RIMS4: variants seen among roughly 807,000 people sequenced by gnomAD.
RIMS4 encodes the protein regulating synaptic membrane exocytosis 4.
RIMS4 carries 9 observed loss-of-function variants against 29.0 expected under a neutral mutation model. That is an observed-to-expected ratio of 0.31 (90% CI 0.19 to 0.54). The LOEUF is 0.54. Ranked by LOEUF, RIMS4 falls within the 20% of genes least tolerant of loss-of-function variation. RIMS4 has a pLI of 0.94. For synonymous variants in RIMS4, 130 were observed against 152.9 expected, an observed-to-expected ratio of 0.85 and a Z score of 1.10; for missense variants, 193 against 365.7, an observed-to-expected ratio of 0.53 and a Z score of 3.85.
chr20:44,778,413 T>G (rs1451856140), intron 1 of RIMS4, among the ~76,000 whole-genome samples: 1 of 152,224 alleles, frequency 6.6e-6, no homozygotes, highest in African/African-American at 2.4e-5. Context: ...CAGTGGCTCA[T>G]GGCTGTAATC....
At chr20:44,780,738 A>C (rs192327903) in intron 1 of RIMS4, among the ~76,000 whole-genome samples, 3 of 152,274 alleles carry the variant, frequency 2.0e-5, no homozygotes, top group Admixed American at 1.3e-4. Flanking sequence ...GCCAGAGTGC[A>C]ATTTTTGCCC....
At chr20:44,775,942 C>G (rs2066158453) in intron 1 of RIMS4, among the ~76,000 whole-genome samples, 1 of 152,136 alleles carries the variant, frequency 6.6e-6, no homozygotes, top group South Asian at 2.1e-4. Flanking sequence ...TAAATACAAA[C>G]AAATTCATAA....
chr20:44,806,594 C>T (rs573223759), intron 1 of RIMS4, among the ~76,000 whole-genome samples: 1 of 152,300 alleles, frequency 6.6e-6, no homozygotes, highest in Non-Finnish European at 1.5e-5. Context: ...CTCCCCAAAC[C>T]CACAGATTCT....
intron 1 of RIMS4, among the ~76,000 whole-genome samples, chr20:44,781,620 G>T (rs1227109642): frequency 6.6e-6 from 1 of 152,100 alleles, no homozygotes; most frequent in East Asian, 1.9e-4. Flanking sequence ...GGTTGGGGAG[G>T]TCCTATGCTG....
rs1336851214 is a variant in RIMS4 at position 44,751,976 on chromosome 20, C to A, written c.*4158G>T. Reference sequence around the variant, plus strand: ...GGAAAGGTGGGTGGATGGAGAGAGGCCCCCAGCCTAAGGACCCAGGCTCCT... The same window carrying A: ...GGAAAGGTGGGTGGATGGAGAGAGGACCCCAGCCTAAGGACCCAGGCTCCT... On this transcript the variant is annotated 3_prime_UTR_variant, in exon 6 of 6. Coordinates refer to ENST00000372851, the MANE Select transcript of RIMS4 (RefSeq NM_182970.4). 2 of 152,216 alleles carry A rather than the reference C, an allele frequency of 1.3e-5. No individual in the cohort carries two copies. Among genetic ancestry groups the A allele is most frequent in the Non-Finnish European group, 2.9e-5 (2 of 68,088 alleles). 9.4% of individuals were successfully genotyped at this position (152,216 alleles called of 1,614,324 possible).
At chr20:44,779,902 G>A (rs1206487493) in intron 1 of RIMS4, among the ~76,000 whole-genome samples, 1 of 152,320 alleles carries the variant, frequency 6.6e-6, no homozygotes, top group East Asian at 1.9e-4. Context: ...TGAGGCTAAA[G>A]ATTGGAAGAT....
intron 1 of RIMS4, among the ~76,000 whole-genome samples, chr20:44,796,443 G>T (rs2066255556): frequency 6.6e-6 from 1 of 152,164 alleles, no homozygotes; most frequent in South Asian, 2.1e-4. Flanking sequence ...AGAGAGAAGG[G>T]GAGGAAGGGA....
chr20:44,767,002 C>T (rs188383431), intron 2 of RIMS4, among the ~76,000 whole-genome samples: 30 of 152,316 alleles, frequency 2.0e-4, no homozygotes, highest in African/African-American at 7.0e-4. Flanking sequence ...CTCCCAGGTG[C>T]ATGTTTCACA....
intron 1 of RIMS4, among the ~76,000 whole-genome samples, chr20:44,807,251 G>T (rs116111621): frequency 6.6e-6 from 1 of 152,182 alleles, no homozygotes; most frequent in African/African-American, 2.4e-5. Context: ...GGCCCACGGC[G>T]GGCTAGAAAG....
chr20:44,790,589 T>C (rs2066228712), intron 1 of RIMS4, among the ~76,000 whole-genome samples: 1 of 152,222 alleles, frequency 6.6e-6, no homozygotes. Flanking sequence ...AATGCTAGTG[T>C]CTCACTCAAG....
intron 1 of RIMS4, among the ~76,000 whole-genome samples, chr20:44,772,547 A>C (rs1488340289): frequency 6.6e-6 from 1 of 152,182 alleles, no homozygotes; most frequent in African/African-American, 2.4e-5. Flanking sequence ...GGAGGCACGG[A>C]GAGGTCAGGA....
At chr20:44,795,175 T>C (rs1387220366) in intron 1 of RIMS4, among the ~76,000 whole-genome samples, 2 of 152,204 alleles carry the variant, frequency 1.3e-5, no homozygotes, top group Non-Finnish European at 2.9e-5. Context: ...CGCACTGTGC[T>C]AAGGGCTTCA....
intron 1 of RIMS4, among the ~76,000 whole-genome samples, chr20:44,774,435 C>A (rs1446235220): frequency 2.0e-5 from 3 of 151,982 alleles, no homozygotes; most frequent in Admixed American, 1.3e-4. Flanking sequence ...GCCAGCATGG[C>A]CAGAATAAAA....
intron 1 of RIMS4, among the ~76,000 whole-genome samples, chr20:44,801,690 A>T (rs373985605): frequency 2.0e-5 from 3 of 152,108 alleles, no homozygotes; most frequent in African/African-American, 7.2e-5. Flanking sequence ...ATTTTGACTC[A>T]CTTATCCTTT....
Position 44,775,990 on chromosome 20 carries a change from A to G in RIMS4, c.98-4577T>C, listed in dbSNP as rs189165081. Reference sequence around the variant, plus strand: ...TTCAGTCATGCCACCATCTTATTTAAAACCTTAGCCAGGCGTGGTGGCTCA... The same window carrying G: ...TTCAGTCATGCCACCATCTTATTTAGAACCTTAGCCAGGCGTGGTGGCTCA... On this transcript the variant is annotated intron_variant, in intron 1 of 5. Transcript: ENST00000372851. Among the ~76,000 whole-genome samples the G allele has an allele frequency of 3.7e-3, 569 of 152,296 alleles. 4 individuals are homozygous for G. The highest frequency in any genetic ancestry group is 0.013 in the African/African-American group (550 of 41,554).
intron 1 of RIMS4, 90 bp downstream of exon 1, chr20:44,810,085 T>A: frequency 2.8e-6 from 1 of 356,948 alleles, no homozygotes; most frequent in Non-Finnish European, 4.4e-6. Context: ...GGATTGGGGG[T>A]GGGGAGGAGG....
intron 1 of RIMS4, among the ~76,000 whole-genome samples, chr20:44,806,772 T>C (rs1124335): frequency 0.2 from 29,884 of 152,170 alleles, 3,385 homozygotes; most frequent in Non-Finnish European, 0.25. Flanking sequence ...ATTGCCCAAG[T>C]TCAAGGCTTC....
At chr20:44,805,993 AC>A (rs1302675743) in intron 1 of RIMS4, among the ~76,000 whole-genome samples, 2 of 151,902 alleles carry the variant, frequency 1.3e-5, no homozygotes, top group African/African-American at 4.8e-5. Context: ...CCACTATCCC[AC>A]CCCGCCCCCA....
rs1175268053 is a variant in RIMS4, at chr20:44,810,510, CGGCGGT to C, written c.-245_-240del. On this transcript the variant is annotated 5_prime_UTR_variant, in exon 1 of 6. Coordinates refer to ENST00000372851, the MANE Select transcript of RIMS4 (RefSeq NM_182970.4). ...GTGCTGCTGGCGGCGGCGGCGGCGGCGGCGGTGGCGGCGGCGGTGGCGGCGCAGCGC... is the reference window on the plus strand; with the variant it reads ...GTGCTGCTGGCGGCGGCGGCGGCGGCGGCGGCGGCGGTGGCGGCGCAGCGC... 8.1e-4 allele frequency among the ~76,000 whole-genome samples: 111 copies of C among 137,514 alleles called. No individual in the cohort carries two copies. The highest frequency in any genetic ancestry group is 2.1e-3 in the African/African-American group (75 of 35,608). 90.2% of individuals were successfully genotyped at this position (137,514 alleles called of 152,430 possible).
Sources: allele counts gnomAD v4.1 joint callset (sites outside exome capture counted in the v4.1 genomes callset), GRCh38; gene constraint gnomAD v4.1.1; transcripts MANE v1.5; gene names NCBI Gene and HGNC (gene_info 2026-07-23, HGNC 2026-07-21).